Variants in CSMD2 observed in about 807,000 individuals in gnomAD.
The protein encoded by CSMD2 is CUB and Sushi multiple domains 2.
Under a neutral mutation model 398.5 loss-of-function variants are expected in CSMD2, and 130 were observed. That is an observed-to-expected ratio of 0.33 (90% CI 0.28 to 0.38). The LOEUF is 0.38. Ranked by LOEUF, CSMD2 falls within the 10% of genes least tolerant of loss-of-function variation. The probability of loss-of-function intolerance (pLI) is 1.00; values close to 1 mark genes in which losing one functional copy is unlikely to be tolerated. For missense variants in CSMD2, 3,829 were observed against 4,764.9 expected (o/e 0.80, Z 5.78); for synonymous variants, 1,828 against 1,908.5 (o/e 0.96, Z 1.10).
At chr1:34,026,543 C>A (rs1006369152) in intron 3 of CSMD2, among the ~76,000 whole-genome samples, 1 of 152,190 alleles carries the variant, frequency 6.6e-6, no homozygotes, top group African/African-American at 2.4e-5. Context: ...GATGGGCTCT[C>A]CTTCACAAAA....
In CSMD2 at chr1:33,537,683, C is replaced by T; in HGVS notation, c.9632-74G>A. On this transcript the variant is annotated intron_variant, in intron 60 of 70. Coordinates refer to ENST00000373381, the MANE Select transcript of CSMD2 (RefSeq NM_001281956.2). The surrounding 1 kb of genome is among the most constrained non-coding windows in gnomAD (Gnocchi z 4.6). ...CAATCTTCCAGTCCCACACCCCCAT[C>T]TTTGTTCTTTGCACTGCTCCCTTCC... 1 of 1,458,724 alleles carries T rather than the reference C, an allele frequency of 6.9e-7. No homozygotes were observed. The highest frequency in any genetic ancestry group is 9.2e-7 in the Non-Finnish European group (1 of 1,081,106). 90.4% of individuals were successfully genotyped at this position (1,458,724 alleles called of 1,614,324 possible).
At chr1:33,641,192 A>T (rs1246371381) in intron 29 of CSMD2, among the ~76,000 whole-genome samples, 1 of 152,038 alleles carries the variant, frequency 6.6e-6, no homozygotes, top group Non-Finnish European at 1.5e-5. Context: ...TATGCTTCTT[A>T]CTTCTTGCTG....
intron 13 of CSMD2, among the ~76,000 whole-genome samples, chr1:33,757,800 A>G (rs542123508): frequency 3.0e-4 from 46 of 152,206 alleles, no homozygotes; most frequent in Non-Finnish European, 5.4e-4. Context: ...TCTCATATTC[A>G]ATCAGTAACT....
At chr1:33,955,737 A>G (rs550102641) in intron 3 of CSMD2, among the ~76,000 whole-genome samples, 1 of 122,610 alleles carries the variant, frequency 8.2e-6, no homozygotes, top group African/African-American at 2.9e-5. Context: ...CACCCTGATC[A>G]TCACCACCAT....
intron 2 of CSMD2, among the ~76,000 whole-genome samples, chr1:34,046,448 G>A (rs1369621576): frequency 4.6e-5 from 7 of 152,170 alleles, no homozygotes; most frequent in East Asian, 3.8e-4. Flanking sequence ...ATGGAGCACC[G>A]TGGAAACATT....
intron 2 of CSMD2, 76 bp downstream of exon 2, chr1:34,088,901 C>G (rs1234736569): frequency 3.2e-6 from 4 of 1,241,102 alleles, no homozygotes; most frequent in African/African-American, 1.5e-5. Flanking sequence ...ACTTTTCACT[C>G]GAGAAAGATC....
chr1:33,542,373 AG>A (rs887612714), intron 58 of CSMD2, among the ~76,000 whole-genome samples: 2 of 152,228 alleles, frequency 1.3e-5, no homozygotes, highest in African/African-American at 2.4e-5. Flanking sequence ...AAGAGATAAA[AG>A]GGAAAGCCCA....
intron 5 of CSMD2, among the ~76,000 whole-genome samples, chr1:33,900,584 C>G (rs1319887861): frequency 1.3e-5 from 2 of 152,172 alleles, no homozygotes; most frequent in African/African-American, 4.8e-5. Context: ...CAAGACCAGC[C>G]TGGCCAACAT....
Position 33,572,529 on chromosome 1 carries a change from C to T in CSMD2, c.7739G>A (p.Arg2580His), listed in dbSNP as rs756422988. ...ACGGACACACTGTGGTGGGACATTGCGGTTGCTCCATAGGCCTGTGTCCAG... is the reference window on the plus strand; with the variant it reads ...ACGGACACACTGTGGTGGGACATTGTGGTTGCTCCATAGGCCTGTGTCCAG... ...ECLDTGLWSN[R>H]NVPPQCVPVT... is the part of the protein sequence containing the mutation. Residue 2580 changes from arginine to histidine, a missense_variant, in exon 50 of 71, where the codon CGC becomes CAC. Physicochemically the swap from Arg to His is conservative, Grantham distance 29. This residue lies in a region of CSMD2 where 723 missense variants were observed against 758.6 expected (regional missense o/e 0.95). Transcript: ENST00000373381. 18 of 1,609,310 alleles carry T rather than the reference C, an allele frequency of 1.1e-5. No homozygotes were observed. The highest frequency in any genetic ancestry group is 8.0e-5 in the African/African-American group (6 of 74,796).
chr1:33,676,945 A>T (rs2149048697), intron 25 of CSMD2, among the ~76,000 whole-genome samples: 1 of 152,366 alleles, frequency 6.6e-6, no homozygotes, highest in African/African-American at 2.4e-5. Context: ...CTTACACCTT[A>T]TACAAAAATT....
At chr1:33,643,453 G>T (rs370197) in intron 29 of CSMD2, among the ~76,000 whole-genome samples, 2 of 152,156 alleles carry the variant, frequency 1.3e-5, no homozygotes, top group Non-Finnish European at 2.9e-5. Context: ...TACCAGTGAC[G>T]TAGGAAAAAG....
intron 19 of CSMD2, among the ~76,000 whole-genome samples, chr1:33,722,377 T>C (rs562797295): frequency 3.3e-5 from 5 of 152,360 alleles, no homozygotes; most frequent in Admixed American, 1.3e-4. Flanking sequence ...AGTCACCCTC[T>C]GGAATGCCTG....
chr1:33,621,887 A>G (rs188499246), intron 37 of CSMD2, among the ~76,000 whole-genome samples: 22 of 152,306 alleles, frequency 1.4e-4, no homozygotes, highest in Non-Finnish European at 2.2e-4. Context: ...TTACATCCCA[A>G]TTATATACTG....
At position 33,743,545 on chromosome 1, in the gene CSMD2, C is replaced by G. The variant is rs767870000; in HGVS notation, c.1908G>C (p.Glu636Asp). The G allele has an allele frequency of 6.2e-7, 1 of 1,613,740 alleles. No individual in the cohort carries two copies. The highest frequency in any genetic ancestry group is 1.3e-5 in the African/African-American group (1 of 75,048). ...SGVVLSPNYPEDYGNHLHCVW... is the reference protein window; with the variant it reads ...SGVVLSPNYPDDYGNHLHCVW... ...CACAGTGGAGGTGGTTGCCATAGTCCTCTGGGTAGTTGGGAGACAGGACAA... is the reference window on the plus strand; with the variant it reads ...CACAGTGGAGGTGGTTGCCATAGTCGTCTGGGTAGTTGGGAGACAGGACAA... Residue 636 changes from glutamate to aspartate, a missense_variant, in exon 14 of 71, where the codon GAG becomes GAC. Glu to Asp is a conservative substitution (Grantham distance 45). Transcript: ENST00000373381.
At chr1:34,129,893 G>A (rs1313556839) in intron 1 of CSMD2, among the ~76,000 whole-genome samples, 1 of 152,132 alleles carries the variant, frequency 6.6e-6, no homozygotes, top group Non-Finnish European at 1.5e-5. Context: ...GTGACCTGGG[G>A]CGCCCTGCTC....
At chr1:34,124,187 T>TTCAC (rs1284876577) in intron 1 of CSMD2, among the ~76,000 whole-genome samples, 1 of 152,228 alleles carries the variant, frequency 6.6e-6, no homozygotes, top group African/African-American at 2.4e-5. Flanking sequence ...CATTCATTCA[T>TTCAC]TCATTCATTC....
At chr1:33,526,991 T>A (rs929040350) in intron 65 of CSMD2, among the ~76,000 whole-genome samples, 2 of 152,222 alleles carry the variant, frequency 1.3e-5, no homozygotes, top group African/African-American at 4.8e-5. Context: ...TTCTTCCAGA[T>A]GAAGTTTCTG....
intron 5 of CSMD2, among the ~76,000 whole-genome samples, chr1:33,859,416 TCTGA>T (rs1240904644): frequency 6.6e-6 from 1 of 152,218 alleles, no homozygotes; most frequent in East Asian, 1.9e-4. Flanking sequence ...TCACATCTCC[TCTGA>T]CTGTGACACT....
At chr1:34,058,944 A>G (rs1654162115) in intron 2 of CSMD2, among the ~76,000 whole-genome samples, 1 of 152,090 alleles carries the variant, frequency 6.6e-6, no homozygotes, top group Non-Finnish European at 1.5e-5. Context: ...AAACTTTAGG[A>G]CCTGCTGCTT....
Sources: allele counts gnomAD v4.1 joint callset (sites outside exome capture counted in the v4.1 genomes callset), GRCh38; gene constraint gnomAD v4.1.1; regional missense constraint gnomAD v4.1.1; non-coding constraint Gnocchi (gnomAD v3.1); transcripts MANE v1.5; gene names NCBI Gene and HGNC (gene_info 2026-07-23, HGNC 2026-07-21).